Variants in SLC4A10 observed in about 807,000 individuals in gnomAD.
SLC4A10 encodes the protein solute carrier family 4 member 10.
SLC4A10 carries 42 observed loss-of-function variants against 137.7 expected under a neutral mutation model. That is an observed-to-expected ratio of 0.30 (90% CI 0.24 to 0.39). SLC4A10 has a LOEUF of 0.39. Among genes scored for constraint, SLC4A10 ranks in the 10% least tolerant of loss-of-function variants. The pLI, the probability that SLC4A10 is intolerant of heterozygous loss-of-function variation, is 1.00. For synonymous variants in SLC4A10, 474 were observed against 464.1 expected (o/e 1.02, Z -0.27); for missense variants, 925 against 1,355.0 (o/e 0.68, Z 4.98).
At chr2:161,735,257 T>C (rs928035938) in intron 1 of SLC4A10, among the ~76,000 whole-genome samples, 1 of 151,032 alleles carries the variant, frequency 6.6e-6, no homozygotes, top group Admixed American at 6.6e-5. Context: ...TATTAGTATT[T>C]GTAGATGAAA....
At position 161,719,473 on chromosome 2, in the gene SLC4A10, C is replaced by A. The variant is rs570187398; in HGVS notation, c.49-51500C>A. On this transcript the variant is annotated intron_variant, in intron 1 of 26. Coordinates refer to ENST00000446997, the MANE Select transcript of SLC4A10 (RefSeq NM_001178015.2). Reference sequence around the variant, plus strand: ...CTAGTTCTAGATCCCTGAGGAATCGCCGCACTGACTTCCACAATGGTTGAA... The same window carrying A: ...CTAGTTCTAGATCCCTGAGGAATCGACGCACTGACTTCCACAATGGTTGAA... 6.2e-3 allele frequency among the ~76,000 whole-genome samples: 949 copies of A among 152,270 alleles called. 7 individuals are homozygous for A. The highest frequency in any genetic ancestry group is 0.022 in the African/African-American group (901 of 41,560).
At chr2:161,885,666 G>A (rs562129800) in intron 10 of SLC4A10, among the ~76,000 whole-genome samples, 97 of 152,234 alleles carry the variant, frequency 6.4e-4, no homozygotes, top group Non-Finnish European at 1.2e-3. Flanking sequence ...TATCAACACT[G>A]CTACCAATGT....
intron 1 of SLC4A10, among the ~76,000 whole-genome samples, chr2:161,707,226 A>C (rs1272487975): frequency 6.6e-6 from 1 of 151,512 alleles, no homozygotes; most frequent in Non-Finnish European, 1.5e-5. Flanking sequence ...CAACCTGTGC[A>C]GTTAGAGTCA....
chr2:161,769,312 G>C (rs144507504), intron 1 of SLC4A10, among the ~76,000 whole-genome samples: 436 of 151,872 alleles, frequency 2.9e-3, no homozygotes, highest in African/African-American at 8.1e-3. Context: ...CTGTATTTCT[G>C]TCTGTATAAA....
intron 8 of SLC4A10, among the ~76,000 whole-genome samples, chr2:161,876,956 G>C (rs562954123): frequency 1.2e-4 from 18 of 152,040 alleles, no homozygotes; most frequent in African/African-American, 3.9e-4. Flanking sequence ...GAAGTCAAAA[G>C]ATGAATTTGC....
intron 4 of SLC4A10, among the ~76,000 whole-genome samples, chr2:161,853,015 G>A (rs1397448922): frequency 1.3e-5 from 2 of 152,106 alleles, no homozygotes; most frequent in Admixed American, 6.6e-5. Flanking sequence ...CTGCCAAGAG[G>A]TTGTTCCTTT....
intron 21 of SLC4A10, among the ~76,000 whole-genome samples, chr2:161,962,611 G>A (rs1416529934): frequency 6.6e-6 from 1 of 152,108 alleles, no homozygotes; most frequent in Non-Finnish European, 1.5e-5. Context: ...AATGAGTTCA[G>A]CACTTAGTAG....
At chr2:161,905,585 G>A (rs1340335027) in intron 14 of SLC4A10, 57 bp from the exon 15 acceptor site, 1 of 1,525,094 alleles carries the variant, frequency 6.6e-7, no homozygotes, top group African/African-American at 1.4e-5. Flanking sequence ...TGCTTAAAAT[G>A]ATAGCAAGCT....
intron 22 of SLC4A10, among the ~76,000 whole-genome samples, chr2:161,964,610 T>C (rs536512257): frequency 7.2e-5 from 11 of 152,258 alleles, no homozygotes; most frequent in African/African-American, 2.4e-4. Context: ...TATGAAAAAT[T>C]AGGATTTTTA....
chr2:161,672,626 C>T (rs181326761), intron 1 of SLC4A10, among the ~76,000 whole-genome samples: 91 of 152,164 alleles, frequency 6.0e-4, no homozygotes, highest in African/African-American at 1.8e-3. Flanking sequence ...ACATTTCATG[C>T]AGCATTACTT....
At chr2:161,890,367 C>T (rs571545546) in intron 10 of SLC4A10, among the ~76,000 whole-genome samples, 44 of 152,138 alleles carry the variant, frequency 2.9e-4, no homozygotes, top group African/African-American at 9.9e-4. Context: ...TCTCGTTGAT[C>T]GGTCTAATAT....
At chr2:161,902,103 A>G (rs748876738) in intron 12 of SLC4A10, 1 of 456,418 alleles carries the variant, frequency 2.2e-6, no homozygotes, top group South Asian at 1.5e-5. Context: ...TGAAGTATCC[A>G]TTACTCATCT....
intron 9 of SLC4A10, among the ~76,000 whole-genome samples, chr2:161,882,128 TA>T (rs34384577): frequency 0.036 from 4,981 of 136,610 alleles, 182 homozygotes; most frequent in African/African-American, 0.1. Context: ...AACACTGTGA[TA>T]AAAAAAAAAA....
At chr2:161,957,791 A>G (rs759377384) in intron 20 of SLC4A10, among the ~76,000 whole-genome samples, 3 of 152,168 alleles carry the variant, frequency 2.0e-5, no homozygotes, top group Non-Finnish European at 4.4e-5. Flanking sequence ...AGGATTAACT[A>G]GTAATTATTT....
chr2:161,937,865 T>G (rs1156579071), intron 15 of SLC4A10, among the ~76,000 whole-genome samples: 1 of 152,074 alleles, frequency 6.6e-6, no homozygotes, highest in Non-Finnish European at 1.5e-5. Flanking sequence ...TACCGTACCT[T>G]AAGGAGGAGA....
At chr2:161,981,561 T>C (rs1186901060) in intron 26 of SLC4A10, among the ~76,000 whole-genome samples, 1 of 152,194 alleles carries the variant, frequency 6.6e-6, no homozygotes, top group African/African-American at 2.4e-5. Context: ...CCCTTTTTCA[T>C]TGACTTTGTT....
At chr2:161,782,540 C>G (rs986523784) in intron 2 of SLC4A10, among the ~76,000 whole-genome samples, 1 of 151,326 alleles carries the variant, frequency 6.6e-6, no homozygotes, top group African/African-American at 2.4e-5. Flanking sequence ...AACAAAGATA[C>G]ACAATTTACC....
At chr2:161,903,294 G>A (rs143918179) in intron 12 of SLC4A10, among the ~76,000 whole-genome samples, 1 of 152,196 alleles carries the variant, frequency 6.6e-6, no homozygotes, top group Admixed American at 6.5e-5. Context: ...ACAGATGCTG[G>A]GATATGTTAA....
At chr2:161,656,798 T>G (rs1276582765) in intron 1 of SLC4A10, among the ~76,000 whole-genome samples, 1 of 152,186 alleles carries the variant, frequency 6.6e-6, no homozygotes, top group Non-Finnish European at 1.5e-5. Context: ...CTTTGTTTTA[T>G]AAATAGATAG....
Sources: gnomAD v4.1 joint callset for allele counts (sites outside exome capture counted in the v4.1 genomes callset) on GRCh38, gnomAD v4.1.1 for gene constraint, MANE v1.5 for transcripts, NCBI Gene and HGNC (gene_info 2026-07-23, HGNC 2026-07-21) for gene names.